KALRN: variants seen among roughly 807,000 people sequenced by gnomAD.
The protein encoded by KALRN is kalirin RhoGEF kinase.
Under a neutral mutation model 353.7 loss-of-function variants are expected in KALRN, and 70 were observed. The observed-to-expected ratio is 0.20, with a 90% CI of 0.16 to 0.24. The LOEUF is 0.24. Among genes scored for constraint, KALRN ranks in the 10% least tolerant of loss-of-function variants. The pLI is 1.00. For synonymous variants in KALRN, 1,391 were observed against 1,434.8 expected, an observed-to-expected ratio of 0.97 and a Z score of 0.69; for missense variants, 2,791 against 3,756.7, an observed-to-expected ratio of 0.74 and a Z score of 6.72.
intron 34 of KALRN, among the ~76,000 whole-genome samples, chr3:124,616,712 TC>T (rs2078638036): frequency 6.6e-6 from 1 of 152,166 alleles, no homozygotes; most frequent in Non-Finnish European, 1.5e-5. Flanking sequence ...ATGCCTGTAA[TC>T]CCAGCACTTT....
chr3:124,650,209 C>T lies in KALRN; in HGVS notation c.5665-599C>T, dbSNP rs111948915. 7.9e-5 allele frequency among the ~76,000 whole-genome samples: 12 copies of T among 152,206 alleles called. 1 individual carries two copies. Among genetic ancestry groups the T allele is most frequent in the African/African-American group, 2.6e-4 (11 of 41,546 alleles). On this transcript the variant is annotated intron_variant, in intron 37 of 59. Transcript: ENST00000682506. ...TGAATATTTTTATCGTTAACAGTTC[C>T]ATCCATGGGGACAGGGGAAAACCCC...
At chr3:124,418,248 A>G (rs964322475) in intron 14 of KALRN, among the ~76,000 whole-genome samples, 5 of 152,306 alleles carry the variant, frequency 3.3e-5, no homozygotes, top group African/African-American at 9.6e-5. Context: ...TTGATGTAGA[A>G]CAATGGTTCT....
At chr3:124,677,319 T>G in intron 49 of KALRN, 1 of 204,504 alleles carries the variant, frequency 4.9e-6, no homozygotes, top group Middle Eastern at 1.9e-3. Context: ...GCTTTTGGTA[T>G]CTCTGTCTTT....
chr3:124,280,244 G>A (rs906476769), intron 5 of KALRN, among the ~76,000 whole-genome samples: 5 of 152,178 alleles, frequency 3.3e-5, no homozygotes, highest in Admixed American at 2.6e-4. Context: ...GGCTGAGGAA[G>A]CCACAGCTTT....
intron 34 of KALRN, among the ~76,000 whole-genome samples, chr3:124,604,831 G>T (rs2077162507): frequency 6.7e-6 from 1 of 149,578 alleles, no homozygotes; most frequent in Non-Finnish European, 1.5e-5. Flanking sequence ...GGACCACAAG[G>T]ATGTGCCATC....
Position 124,517,229 on chromosome 3 carries a change from T to C in KALRN, c.4935+20816T>C, listed in dbSNP as rs77939545. ...GCATGTGTATAGCTCCTGGCTTTCT[T>C]CAGAATCTCATCTCCTCTCTGAATC... On this transcript the variant is annotated intron_variant, in intron 33 of 59. Transcript: ENST00000682506. Among the ~76,000 whole-genome samples the C allele has an allele frequency of 7.2e-3, 1,095 of 152,332 alleles. 11 individuals carry two copies. The highest frequency in any genetic ancestry group is 0.013 in the Non-Finnish European group (859 of 68,038).
chr3:124,519,390 A>T (rs1187541932), intron 33 of KALRN: 1 of 985,438 alleles, frequency 1.0e-6, no homozygotes, highest in Non-Finnish European at 1.2e-6. Context: ...CCAAACACAG[A>T]GTTTCATGGA....
chr3:124,519,019 C>G lies in KALRN; in HGVS notation c.4935+22606C>G, dbSNP rs1352020779. On this transcript the variant is annotated intron_variant, in intron 33 of 59. Transcript: ENST00000682506. Reference sequence around the variant, plus strand: ...TAGAGAAGATGAGGGTTAACTTTAGCCTTTCCCAAACACTGGCAACAACCA... The same window carrying G: ...TAGAGAAGATGAGGGTTAACTTTAGGCTTTCCCAAACACTGGCAACAACCA... The G allele has an allele frequency of 6.1e-6, 6 of 986,242 alleles. No individual in the cohort carries two copies. In the African/African-American group the frequency reaches 1.0e-4, roughly 17 times the overall value. 61.1% of individuals were successfully genotyped at this position (986,242 alleles called of 1,614,324 possible).
At chr3:124,208,606 T>C (rs2076625762) in intron 1 of KALRN, among the ~76,000 whole-genome samples, 1 of 152,100 alleles carries the variant, frequency 6.6e-6, no homozygotes, top group Non-Finnish European at 1.5e-5. Context: ...TTCTCCTGCT[T>C]CCACTGTCTC....
intron 34 of KALRN, among the ~76,000 whole-genome samples, chr3:124,613,827 T>C (rs2078259330): frequency 6.6e-6 from 1 of 152,254 alleles, no homozygotes; most frequent in East Asian, 1.9e-4. Context: ...TAGAATTCTG[T>C]TTCCATTCTT....
intron 1 of KALRN, among the ~76,000 whole-genome samples, chr3:124,175,296 C>T (rs752952078): frequency 3.3e-5 from 5 of 152,258 alleles, no homozygotes; most frequent in Non-Finnish European, 5.9e-5. Context: ...TGTGCACTGC[C>T]TAGGGCCCAG....
At chr3:124,095,854 G>C (rs1385865018) in intron 1 of KALRN, 4 of 152,018 alleles carry the variant, frequency 2.6e-5, no homozygotes, top group East Asian at 3.9e-4. Flanking sequence ...ATGGCCCTGG[G>C]GAAGCCTTGC....
rs1212599697 is a variant in KALRN, at chr3:124,334,826, G to A, written c.1647+331G>A. Among the ~76,000 whole-genome samples, 5 of 152,142 alleles carry A rather than the reference G, an allele frequency of 3.3e-5. No individual in the cohort carries two copies. The highest frequency in any genetic ancestry group is 5.9e-5 in the Non-Finnish European group (4 of 68,024). ...TTTTGTTTTTTGGAAACAGAGTCTC[G>A]CTCTGCCGCCTGGGCTGGAGTATAG... On this transcript the variant is annotated intron_variant, in intron 9 of 59. Transcript: ENST00000682506. This position sits in a 1 kb window ranked among gnomAD's most constrained non-coding sequence, Gnocchi z 4.2.
At chr3:124,196,388 G>T (rs1314143448) in intron 1 of KALRN, among the ~76,000 whole-genome samples, 1 of 152,154 alleles carries the variant, frequency 6.6e-6, no homozygotes, top group Non-Finnish European at 1.5e-5. Flanking sequence ...AGATTGGAGA[G>T]GCTCAGATCC....
chr3:124,594,449 C>T lies in KALRN; in HGVS notation c.5182+31360C>T, dbSNP rs564995690. ...CCATGTTGGCCAGGATGGTCTCGAT[C>T]TCTTGACCTTGTGATCCGCCTGCCT... is the stretch of plus-strand genomic sequence containing the variant. On this transcript the variant is annotated intron_variant, in intron 34 of 59. Coordinates refer to ENST00000682506, the MANE Select transcript of KALRN (RefSeq NM_001388419.1). 2.0e-4 allele frequency among the ~76,000 whole-genome samples: 31 copies of T among 152,338 alleles called. No individual in the cohort carries two copies. In the South Asian group the frequency reaches 3.3e-3, roughly 16 times the overall value.
chr3:124,373,875 C>T (rs775192561), intron 10 of KALRN, among the ~76,000 whole-genome samples: 37 of 152,090 alleles, frequency 2.4e-4, no homozygotes, highest in Admixed American at 3.9e-4. Context: ...AGAATTCAAC[C>T]CACAAGAGCC....
intron 1 of KALRN, among the ~76,000 whole-genome samples, chr3:124,110,793 C>T (rs2062887189): frequency 2.0e-5 from 3 of 152,164 alleles, no homozygotes; most frequent in Admixed American, 2.0e-4. Flanking sequence ...CTACCTTTAT[C>T]TTGAGGGTGA....
chr3:124,158,605 A>C (rs1380110595), intron 1 of KALRN, among the ~76,000 whole-genome samples: 1 of 152,232 alleles, frequency 6.6e-6, no homozygotes, highest in Non-Finnish European at 1.5e-5. Context: ...CACTGAAAGC[A>C]ATCCCTGACA....
At chr3:124,249,016 C>T (rs2070740704) in intron 3 of KALRN, among the ~76,000 whole-genome samples, 1 of 152,226 alleles carries the variant, frequency 6.6e-6, no homozygotes, top group Non-Finnish European at 1.5e-5. Flanking sequence ...AGAGAAACTC[C>T]CTGTTTTGAA....
Sources: allele counts gnomAD v4.1 joint callset (sites outside exome capture counted in the v4.1 genomes callset), GRCh38; gene constraint gnomAD v4.1.1; non-coding constraint Gnocchi (gnomAD v3.1); transcripts MANE v1.5; gene names NCBI Gene and HGNC (gene_info 2026-07-23, HGNC 2026-07-21).